The following MBTPS2 variants were observed in gnomAD, a reference collection of about 807,000 sequenced individuals.
MBTPS2 encodes the protein membrane-bound transcription factor site-2 protease.
Under a neutral mutation model 35.4 loss-of-function variants are expected in MBTPS2, and 2 were observed. The observed-to-expected ratio is 0.06, with a 90% CI of 0.02 to 0.18. MBTPS2 has a LOEUF of 0.18. Ranked by LOEUF, MBTPS2 falls within the 10% of genes least tolerant of loss-of-function variation. MBTPS2 has a pLI of 1.00. For synonymous variants in MBTPS2, 125 were observed against 140.4 expected (o/e 0.89, Z 0.77); for missense variants, 244 against 386.5 (o/e 0.63, Z 3.09).
chrX:21,878,552 A>G lies in MBTPS2; in HGVS notation c.1121A>G (p.Asn374Ser), dbSNP rs2092955557. 8.3e-7 allele frequency: 1 copy of G among 1,207,732 alleles called. No homozygotes were observed. The highest frequency in any genetic ancestry group is 1.1e-6 in the Non-Finnish European group (1 of 892,982). ...GAAGCAACTCAAGTTTGCAGAACCA[A>G]TAAAGACTGTAAAAAAAGCTCAAGT... ...AVEATQVCRT[N>S]KDCKKSSSSS... is the part of the protein sequence containing the mutation. The change falls in exon 9 of 11, where the codon AAT becomes AGT. Residue 374 changes from asparagine (N) to serine (S), a missense_variant. Transcript: ENST00000379484.
chrX:21,846,519 C>T lies in MBTPS2; in HGVS notation c.438+1135C>T, dbSNP rs1475287076. On this transcript the variant is annotated intron_variant, in intron 3 of 10. Transcript: ENST00000379484. Reference sequence around the variant, plus strand: ...CTGAGTAGCTGGGATTACAGGCATGCACCACCACGCCTGGCTAATTTTGTA... The same window carrying T: ...CTGAGTAGCTGGGATTACAGGCATGTACCACCACGCCTGGCTAATTTTGTA... Among the ~76,000 whole-genome samples, 3 of 111,714 alleles carry T rather than the reference C, an allele frequency of 2.7e-5. No individual in the cohort carries two copies. The East Asian group carries it at 8.5e-4, about 32-fold the overall frequency.
Position 21,856,338 on chromosome X carries a change from GCGCC to G in MBTPS2, c.670+2836_670+2839del, listed in dbSNP as rs2092921904. On this transcript the variant is annotated intron_variant, in intron 5 of 10. Coordinates refer to ENST00000379484, the MANE Select transcript of MBTPS2 (RefSeq NM_015884.4). ...CAGCTCGCGCCTTTCTCTGCAGCTCGCGCCTTTCTCTGCAGCTCGCGCCTTTCTC... is the reference window on the plus strand; with the variant it reads ...CAGCTCGCGCCTTTCTCTGCAGCTCGTTTCTCTGCAGCTCGCGCCTTTCTC... 5.9e-6 allele frequency: 3 copies of G among 512,790 alleles called. No homozygotes were observed. The African/African-American group carries it at 7.3e-5, about 12-fold the overall frequency. 42.3% of individuals were successfully genotyped at this position (512,790 alleles called of 1,213,427 possible).
At chrX:21,872,689 A>C (rs2092948639) in intron 7 of MBTPS2, 1 of 109,954 alleles carries the variant, frequency 9.1e-6, no homozygotes, top group Non-Finnish European at 1.9e-5. Flanking sequence ...TGTAAATATC[A>C]CTTAAAATAC....
At chrX:21,865,968 G>A (rs1233245361) in intron 5 of MBTPS2, among the ~76,000 whole-genome samples, 2 of 111,119 alleles carry the variant, frequency 1.8e-5, no homozygotes, top group African/African-American at 6.6e-5. Flanking sequence ...TTGTTTGTTT[G>A]TTTTGTTTTT....
At chrX:21,868,732 A>C (rs762879520) in intron 6 of MBTPS2, 147 bp downstream of exon 6, 14 of 512,760 alleles carry the variant, frequency 2.7e-5, no homozygotes, top group African/African-American at 2.6e-4. Context: ...CTCAAATCTA[A>C]CAAATAATGT....
intron 1 of MBTPS2, among the ~76,000 whole-genome samples, chrX:21,840,486 A>G (rs1428136954): frequency 8.9e-6 from 1 of 111,760 alleles, no homozygotes; most frequent in East Asian, 2.8e-4. Flanking sequence ...CACACTAACC[A>G]GATACCCTGG....
At chrX:21,872,066 G>T (rs1336907853) in intron 7 of MBTPS2, 1 of 111,212 alleles carries the variant, frequency 9.0e-6, no homozygotes, top group East Asian at 2.8e-4. Context: ...ATTCTCAGGA[G>T]CCTCTTACCA....
intron 5 of MBTPS2, among the ~76,000 whole-genome samples, chrX:21,863,408 T>A (rs1471668809): frequency 9.0e-6 from 1 of 110,737 alleles, no homozygotes; most frequent in East Asian, 2.8e-4. Flanking sequence ...CATGCTGATG[T>A]GGGCAGAGAA....
chrX:21,862,933 C>CATATATGTATATATAT (rs2092934129), intron 5 of MBTPS2, among the ~76,000 whole-genome samples: 1 of 27,675 alleles, frequency 3.6e-5, no homozygotes, highest in African/African-American at 7.8e-5. Context: ...TATATATAAA[C>CATATATGTATATATAT]ATATATATAT....
At position 21,845,370 on chromosome X, in the gene MBTPS2, G is replaced by A; in HGVS notation, c.424G>A (p.Val142Met). The A allele has an allele frequency of 8.3e-7, 1 of 1,201,579 alleles. No homozygotes were observed. Among genetic ancestry groups the A allele is most frequent in the Non-Finnish European group, 1.1e-6 (1 of 888,924 alleles). Reference sequence around the variant, plus strand: ...CTCTTCCTCGCTTCACAATGAACAGGTGTTACAAGTTGTGGTAAGTATCGT... The same window carrying A: ...CTCTTCCTCGCTTCACAATGAACAGATGTTACAAGTTGTGGTAAGTATCGT... ...SSSSSLHNEQ[V>M]LQVVVPGINL... The change falls in exon 3 of 11, where the codon GTG (valine) becomes ATG (methionine). Residue 142 changes from valine (V) to methionine (M), a missense_variant. Physicochemically the swap from Val to Met is conservative, Grantham distance 21. Transcript: ENST00000379484.
At chrX:21,852,079 AG>A (rs772576083) in intron 4 of MBTPS2, among the ~76,000 whole-genome samples, 1 of 112,189 alleles carries the variant, frequency 8.9e-6, no homozygotes, top group Non-Finnish European at 1.9e-5. Context: ...CAAATATCAT[AG>A]TCTATCTAGA....
chrX:21,869,463 T>G, intron 6 of MBTPS2, 35 bp from the exon 7 acceptor site: 1 of 1,088,614 alleles, frequency 9.2e-7, no homozygotes, highest in Non-Finnish European at 1.3e-6. Context: ...CTTGTCTTCA[T>G]GCATTATCTG....
In MBTPS2 at chrX:21,879,269, T is replaced by A. The variant is rs1406986095; in HGVS notation, c.1261+577T>A. 4.5e-5 allele frequency among the ~76,000 whole-genome samples: 5 copies of A among 110,915 alleles called. No individual in the cohort carries two copies. The East Asian group carries it at 1.4e-3, about 31-fold the overall frequency. On this transcript the variant is annotated intron_variant, in intron 9 of 10. Coordinates refer to ENST00000379484, the MANE Select transcript of MBTPS2 (RefSeq NM_015884.4). ...TTAAAGTTTACAGTTCAGTGGGGTT[T>A]TGTTTGTTTGTTTGTTTTTGTTTTG...
intron 5 of MBTPS2, among the ~76,000 whole-genome samples, chrX:21,855,116 G>A (rs1479171222): frequency 9.0e-6 from 1 of 110,977 alleles, no homozygotes; most frequent in East Asian, 2.8e-4. Flanking sequence ...TAATTAGTAA[G>A]GATATAGGCA....
At chrX:21,864,818 G>A (rs1241648982) in intron 5 of MBTPS2, among the ~76,000 whole-genome samples, 2 of 109,348 alleles carry the variant, frequency 1.8e-5, no homozygotes, top group East Asian at 5.8e-4. Context: ...TGAGAACTCT[G>A]TTTCAAAAGC....
chrX:21,851,782 GAGA>G (rs2092915018), intron 4 of MBTPS2, among the ~76,000 whole-genome samples, 170 bp downstream of exon 4: 1 of 111,654 alleles, frequency 9.0e-6, no homozygotes, highest in South Asian at 3.8e-4. Context: ...TTTTTTTATA[GAGA>G]AGATTAATAT....
chrX:21,881,158 G>A (rs2092958831), intron 10 of MBTPS2, among the ~76,000 whole-genome samples, 186 bp downstream of exon 10: 1 of 112,241 alleles, frequency 8.9e-6, no homozygotes, highest in Admixed American at 9.5e-5. Context: ...AGAGGAGAAA[G>A]ATTAATCAGA....
intron 7 of MBTPS2, chrX:21,872,647 A>G (rs1193689392): frequency 9.1e-6 from 1 of 110,241 alleles, no homozygotes; most frequent in African/African-American, 3.3e-5. Flanking sequence ...TGGAGTATGT[A>G]TACTTAGCCA....
intron 5 of MBTPS2, among the ~76,000 whole-genome samples, chrX:21,862,507 A>G (rs1045145438): frequency 1.8e-5 from 2 of 110,431 alleles, no homozygotes; most frequent in Non-Finnish European, 3.8e-5. Context: ...GGGGAAAAAA[A>G]GAGTTTAAAA....
Sources: gnomAD v4.1 joint callset for allele counts (sites outside exome capture counted in the v4.1 genomes callset) on GRCh38, gnomAD v4.1.1 for gene constraint, MANE v1.5 for transcripts, NCBI Gene and HGNC (gene_info 2026-07-23, HGNC 2026-07-21) for gene names.